CLYBL: variants seen among roughly 807,000 people sequenced by gnomAD.
The protein encoded by CLYBL is citramalyl-CoA lyase, also known as citramalyl-CoA lyase, mitochondrial.
Under a neutral mutation model 38.9 loss-of-function variants are expected in CLYBL, and 31 were observed. That is an observed-to-expected ratio of 0.80 (90% CI 0.60 to 1.08). The LOEUF is 1.08. Ranked by LOEUF, CLYBL falls within the 50% of genes least tolerant of loss-of-function variation. CLYBL has a pLI of 0.00. For synonymous variants in CLYBL, 171 were observed against 158.6 expected (o/e 1.08, Z -0.59); for missense variants, 434 against 411.6 (o/e 1.05, Z -0.47).
At chr13:99,884,094 G>A (rs1164136163) in intron 7 of CLYBL, among the ~76,000 whole-genome samples, 1 of 152,186 alleles carries the variant, frequency 6.6e-6, no homozygotes, top group African/African-American at 2.4e-5. Flanking sequence ...CCAGGCTCAA[G>A]CGATCTTCCC....
chr13:99,812,382 A>G (rs757604535), intron 2 of CLYBL, among the ~76,000 whole-genome samples: 11 of 152,248 alleles, frequency 7.2e-5, no homozygotes, highest in Non-Finnish European at 1.5e-4. Flanking sequence ...TTGGGGTTAC[A>G]GAATTACATA....
At chr13:99,838,602 C>A (rs1346060798) in intron 2 of CLYBL, among the ~76,000 whole-genome samples, 3 of 152,152 alleles carry the variant, frequency 2.0e-5, no homozygotes, top group Admixed American at 2.0e-4. Flanking sequence ...ATGCTGTAAT[C>A]TTCCCATATT....
In CLYBL at chr13:99,640,552, G is replaced by A. The variant is rs556686828; in HGVS notation, c.62+33795G>A. Among the ~76,000 whole-genome samples the A allele has an allele frequency of 5.3e-4, 81 of 152,344 alleles. No homozygotes were observed. The South Asian group carries it at 9.3e-3, about 18-fold the overall frequency. ...TTGACAGCTGTGAAAACATTTAGCA[G>A]GCTTCCCTCCTTTTCAGCGTTGGTT... On this transcript the variant is annotated intron_variant, in intron 1 of 8. Coordinates refer to ENST00000339105, the MANE Select transcript of CLYBL (RefSeq NM_206808.5).
intron 2 of CLYBL, among the ~76,000 whole-genome samples, chr13:99,843,485 T>A (rs1217022269): frequency 6.6e-6 from 1 of 152,198 alleles, no homozygotes; most frequent in Admixed American, 6.5e-5. Flanking sequence ...AAGTTCCATG[T>A]AGGCAGGGAG....
chr13:99,871,190 A>G, intron 7 of CLYBL, 128 bp downstream of exon 7: 2 of 1,067,516 alleles, frequency 1.9e-6, no homozygotes, highest in Non-Finnish European at 1.4e-6. Flanking sequence ...AAGGGAGGGA[A>G]CACAACATTC....
chr13:99,719,414 A>G lies in CLYBL; in HGVS notation c.63-53410A>G, dbSNP rs201815735. ...TGATTCTACTGCCTTGGCCTCCCAAAGTGCTGGGATTAGGCGTGAGCCACC... is the reference window on the plus strand; with the variant it reads ...TGATTCTACTGCCTTGGCCTCCCAAGGTGCTGGGATTAGGCGTGAGCCACC... On this transcript the variant is annotated intron_variant, in intron 1 of 8. Coordinates refer to ENST00000339105, the MANE Select transcript of CLYBL (RefSeq NM_206808.5). 1.1e-4 allele frequency among the ~76,000 whole-genome samples: 17 copies of G among 152,144 alleles called. No individual in the cohort carries two copies. In the East Asian group the frequency reaches 3.1e-3, roughly 28 times the overall value.
chr13:99,655,604 C>T (rs1398586504), intron 1 of CLYBL, among the ~76,000 whole-genome samples: 1 of 152,174 alleles, frequency 6.6e-6, no homozygotes, highest in Non-Finnish European at 1.5e-5. Context: ...CTCTTTCATC[C>T]CACTAAATAA....
chr13:99,607,380 G>A (rs906446422), intron 1 of CLYBL, among the ~76,000 whole-genome samples: 2 of 152,192 alleles, frequency 1.3e-5, no homozygotes, highest in Non-Finnish European at 2.9e-5. Flanking sequence ...GACAGCTGGA[G>A]TCTCATATCA....
chr13:99,716,869 G>A lies in CLYBL; in HGVS notation c.63-55955G>A, dbSNP rs187114320. 2.6e-3 allele frequency among the ~76,000 whole-genome samples: 343 copies of A among 131,318 alleles called. 3 individuals are homozygous for A. The highest frequency in any genetic ancestry group is 9.6e-3 in the African/African-American group (329 of 34,332). 86.1% of individuals were successfully genotyped at this position (131,318 alleles called of 152,430 possible). ...TGCAATGGCACGATCTTGGCTCACCGCAACCTCTGCCTCCCAGGTTCAAGC... is the reference window on the plus strand; with the variant it reads ...TGCAATGGCACGATCTTGGCTCACCACAACCTCTGCCTCCCAGGTTCAAGC... On this transcript the variant is annotated intron_variant, in intron 1 of 8. Coordinates refer to ENST00000339105, the MANE Select transcript of CLYBL (RefSeq NM_206808.5).
At chr13:99,712,331 CTTTTTTT>C (rs766784946) in intron 1 of CLYBL, among the ~76,000 whole-genome samples, 1 of 120,840 alleles carries the variant, frequency 8.3e-6, no homozygotes, top group Non-Finnish European at 1.7e-5. Flanking sequence ...TAGCAATTGA[CTTTTTTT>C]TTTTTTTTTT....
intron 2 of CLYBL, among the ~76,000 whole-genome samples, chr13:99,848,847 T>C (rs538086722): frequency 2.6e-5 from 4 of 152,206 alleles, no homozygotes; most frequent in Middle Eastern, 3.4e-3. Context: ...TTAATAGTAT[T>C]GGGAAAGATG....
intron 1 of CLYBL, among the ~76,000 whole-genome samples, chr13:99,646,463 C>T (rs899719546): frequency 1.1e-4 from 17 of 151,684 alleles, no homozygotes; most frequent in African/African-American, 4.1e-4. Flanking sequence ...TTATAATTCA[C>T]CTGGGTCAGG....
At chr13:99,635,660 A>G (rs2047008386) in intron 1 of CLYBL, among the ~76,000 whole-genome samples, 2 of 152,318 alleles carry the variant, frequency 1.3e-5, no homozygotes, top group South Asian at 4.1e-4. Flanking sequence ...CCGGCCTCCC[A>G]TAACTCTTGT....
Position 99,665,425 on chromosome 13 carries a change from C to T in CLYBL, c.62+58668C>T, listed in dbSNP as rs1378364624. 4.6e-5 allele frequency among the ~76,000 whole-genome samples: 7 copies of T among 151,764 alleles called. 1 individual carries two copies. Among genetic ancestry groups the T allele is most frequent in the East Asian group, 1.9e-4 (1 of 5,184 alleles). ...GTTTCATATTATTTTCATAAAAATA[C>T]TTTGGTTGAGGCAGCAGCAGAGGAG... On this transcript the variant is annotated intron_variant, in intron 1 of 8. Coordinates refer to ENST00000339105, the MANE Select transcript of CLYBL (RefSeq NM_206808.5).
At chr13:99,676,272 TTC>T (rs778220419) in intron 1 of CLYBL, among the ~76,000 whole-genome samples, 3 of 150,720 alleles carry the variant, frequency 2.0e-5, no homozygotes, top group East Asian at 3.9e-4. Context: ...CTATTTCTCT[TTC>T]TCTCTCTCTT....
chr13:99,742,300 C>T (rs539244348), intron 1 of CLYBL, among the ~76,000 whole-genome samples: 31 of 152,290 alleles, frequency 2.0e-4, no homozygotes, highest in South Asian at 1.5e-3. Flanking sequence ...AGCACTTTTT[C>T]CTGAAATTCT....
At chr13:99,775,683 A>AT (rs367780855) in intron 2 of CLYBL, among the ~76,000 whole-genome samples, 347 of 151,868 alleles carry the variant, frequency 2.3e-3, no homozygotes, top group African/African-American at 8.2e-3. Context: ...TAATTGTTTT[A>AT]TTTTTTGTAG....
intron 1 of CLYBL, among the ~76,000 whole-genome samples, chr13:99,733,494 C>T (rs192463669): frequency 1.3e-5 from 2 of 152,326 alleles, no homozygotes. Flanking sequence ...ATCTTGTGCA[C>T]CACCAGTATA....
intron 2 of CLYBL, among the ~76,000 whole-genome samples, chr13:99,805,230 ACACGTGT>A (rs2050208827): frequency 6.6e-6 from 1 of 152,146 alleles, no homozygotes; most frequent in Admixed American, 6.6e-5. Flanking sequence ...ACATGGGTGT[ACACGTGT>A]CTGTTCGAGT....
Sources: allele counts gnomAD v4.1 joint callset (sites outside exome capture counted in the v4.1 genomes callset), GRCh38; gene constraint gnomAD v4.1.1; transcripts MANE v1.5; gene names NCBI Gene and HGNC (gene_info 2026-07-23, HGNC 2026-07-21).